The following GPC6 variants were observed in gnomAD, a reference collection of about 807,000 sequenced individuals.
GPC6 encodes glypican-6.
In GPC6, 14 loss-of-function variants were observed where a neutral mutation model predicts 55.2. The ratio of observed to expected loss-of-function variants is 0.25; its 90% CI spans 0.17 to 0.40. GPC6 has a LOEUF of 0.40. GPC6 is among the 10% of genes least tolerant of loss of function. GPC6 has a pLI of 1.00. For synonymous variants in GPC6, 278 were observed against 259.6 expected (o/e 1.07, Z -0.68); for missense variants, 641 against 708.5 (o/e 0.90, Z 1.08).
At chr13:93,495,196 C>T (rs1880213112) in intron 1 of GPC6, among the ~76,000 whole-genome samples, 1 of 121,962 alleles carries the variant, frequency 8.2e-6, no homozygotes, top group Admixed American at 8.2e-5. Flanking sequence ...CACATAGTCG[C>T]ATATTTCTTG....
At chr13:93,649,253 C>T (rs1880304194) in intron 2 of GPC6, among the ~76,000 whole-genome samples, 1 of 152,130 alleles carries the variant, frequency 6.6e-6, no homozygotes, top group Non-Finnish European at 1.5e-5. Flanking sequence ...GAGTTCGAGA[C>T]AAGCCTGAGC....
chr13:93,298,971 A>T (rs980349564), intron 1 of GPC6, among the ~76,000 whole-genome samples: 1 of 150,912 alleles, frequency 6.6e-6, no homozygotes, highest in Non-Finnish European at 1.5e-5. Context: ...TGTTACTTGC[A>T]TCTATTAGAT....
chr13:93,365,510 G>A (rs914107567), intron 1 of GPC6, among the ~76,000 whole-genome samples: 1 of 151,960 alleles, frequency 6.6e-6, no homozygotes, highest in Non-Finnish European at 1.5e-5. Flanking sequence ...AAATATGACA[G>A]CTCCTAAATC....
chr13:94,336,646 G>A (rs9634637), intron 6 of GPC6, among the ~76,000 whole-genome samples: 20,887 of 151,972 alleles, frequency 0.14, 1,728 homozygotes, highest in East Asian at 0.34. Context: ...GTGACCTTCC[G>A]TGAAAGAGAG....
At chr13:93,861,048 A>C (rs181439223) in intron 3 of GPC6, among the ~76,000 whole-genome samples, 2 of 151,648 alleles carry the variant, frequency 1.3e-5, no homozygotes, top group African/African-American at 4.8e-5. Context: ...ATAAAATGGG[A>C]ATACTAATAC....
intron 4 of GPC6, among the ~76,000 whole-genome samples, chr13:94,252,004 C>T (rs1369746594): frequency 6.6e-6 from 1 of 152,074 alleles, no homozygotes; most frequent in Non-Finnish European, 1.5e-5. Context: ...AGTTAGTTCC[C>T]CAGTAGGCTC....
chr13:93,827,287 C>G (rs1387684613), intron 2 of GPC6, among the ~76,000 whole-genome samples: 1 of 152,158 alleles, frequency 6.6e-6, no homozygotes, highest in Non-Finnish European at 1.5e-5. Context: ...TAAAATGGAT[C>G]ACATAACTGT....
At chr13:93,367,104 C>A (rs1024407678) in intron 1 of GPC6, among the ~76,000 whole-genome samples, 2 of 151,976 alleles carry the variant, frequency 1.3e-5, no homozygotes, top group African/African-American at 4.8e-5. Context: ...AAAAACATTT[C>A]TTTGCTTAGT....
intron 3 of GPC6, among the ~76,000 whole-genome samples, chr13:93,990,752 A>G (rs1881263449): frequency 6.6e-6 from 1 of 151,330 alleles, no homozygotes; most frequent in Non-Finnish European, 1.5e-5. Context: ...GTTCCTAGCT[A>G]CTTGGGAAGC....
intron 2 of GPC6, among the ~76,000 whole-genome samples, chr13:93,693,031 A>G (rs1594376782): frequency 7.1e-6 from 1 of 141,692 alleles, no homozygotes; most frequent in African/African-American, 2.4e-5. Flanking sequence ...TAGATTTGAA[A>G]AAAAATAATA....
At chr13:94,089,694 A>G (rs905030735) in intron 4 of GPC6, among the ~76,000 whole-genome samples, 2 of 152,198 alleles carry the variant, frequency 1.3e-5, no homozygotes, top group Non-Finnish European at 2.9e-5. Flanking sequence ...ACATTATGAG[A>G]GCTGAAACAA....
At chr13:94,169,192 A>G (rs1450972506) in intron 4 of GPC6, among the ~76,000 whole-genome samples, 1 of 152,266 alleles carries the variant, frequency 6.6e-6, no homozygotes, top group Non-Finnish European at 1.5e-5. Flanking sequence ...GAAAAGCAAC[A>G]GCTTTCAAGA....
intron 2 of GPC6, among the ~76,000 whole-genome samples, chr13:93,583,200 G>A (rs1384391079): frequency 3.3e-5 from 5 of 152,136 alleles, no homozygotes; most frequent in Non-Finnish European, 7.3e-5. Flanking sequence ...TTAGAACACA[G>A]GTATTCATTA....
chr13:94,082,133 GC>G (rs1357319786), intron 4 of GPC6, among the ~76,000 whole-genome samples: 4 of 151,958 alleles, frequency 2.6e-5, no homozygotes, highest in African/African-American at 7.2e-5. Flanking sequence ...GAGCCACTGC[GC>G]CCGGTCTACT....
chr13:94,129,211 T>G (rs1886929229), intron 4 of GPC6, among the ~76,000 whole-genome samples: 2 of 152,194 alleles, frequency 1.3e-5, no homozygotes, highest in Non-Finnish European at 2.9e-5. Context: ...ATCTCAGGGT[T>G]ATCCTAAACC....
At chr13:94,148,672 A>G (rs573156120) in intron 4 of GPC6, among the ~76,000 whole-genome samples, 1 of 152,194 alleles carries the variant, frequency 6.6e-6, no homozygotes, top group East Asian at 1.9e-4. Flanking sequence ...TGATTTTTCA[A>G]ATGTTATTAT....
chr13:93,819,427 C>A (rs1327208789), intron 2 of GPC6, among the ~76,000 whole-genome samples: 5 of 151,750 alleles, frequency 3.3e-5, no homozygotes, highest in East Asian at 1.9e-4. Flanking sequence ...TTGCCTCTTA[C>A]AGTTGAGAAA....
rs138953680 is a variant in GPC6 at position 93,655,993 on chromosome 13, A to G, written c.319+110572A>G. ...TAAAGTATTGCTAATATTCATATCC[A>G]TCTTCATAATTTGTACTAGGGAGAT... On this transcript the variant is annotated intron_variant, in intron 2 of 8. Transcript: ENST00000377047. Among the ~76,000 whole-genome samples the G allele has an allele frequency of 5.4e-3, 825 of 152,342 alleles. 5 individuals carry two copies. Among genetic ancestry groups the G allele is most frequent in the Middle Eastern group, 0.01 (3 of 294 alleles).
chr13:94,283,226 G>A (rs142988467), intron 4 of GPC6, among the ~76,000 whole-genome samples: 5 of 152,286 alleles, frequency 3.3e-5, no homozygotes, highest in African/African-American at 1.2e-4. Flanking sequence ...GCTTTGTTAT[G>A]AGCTAATTTT....
Sources: allele counts gnomAD v4.1 joint callset (sites outside exome capture counted in the v4.1 genomes callset), GRCh38; gene constraint gnomAD v4.1.1; transcripts MANE v1.5; gene names NCBI Gene and HGNC (gene_info 2026-07-23, HGNC 2026-07-21).